MEF2A: variants seen among roughly 807,000 people sequenced by gnomAD.
MEF2A encodes myocyte enhancer factor 2A, also known as myocyte-specific enhancer factor 2A.
A neutral mutation model predicts 55.8 loss-of-function variants in MEF2A; 28 were observed. The observed-to-expected ratio is 0.50, with a 90% CI of 0.37 to 0.69. The LOEUF (loss-of-function observed/expected upper bound fraction) is 0.69, where lower values mean the gene tolerates loss of function less well. Among genes scored for constraint, MEF2A ranks in the 30% least tolerant of loss-of-function variants. The pLI, the probability that MEF2A is intolerant of heterozygous loss-of-function variation, is 0.00. For synonymous variants in MEF2A, 239 were observed against 227.1 expected (o/e 1.05, Z -0.47); for missense variants, 528 against 626.2 (o/e 0.84, Z 1.67).
chr15:99,675,624 T>A (rs1567407525), intron 7 of MEF2A, among the ~76,000 whole-genome samples, 166 bp downstream of exon 7: 1 of 152,230 alleles, frequency 6.6e-6, no homozygotes, highest in Non-Finnish European at 1.5e-5. Context: ...CTTCCCTGCT[T>A]ACCAAAGTTA....
chr15:99,663,628 T>C (rs935420240), intron 4 of MEF2A, among the ~76,000 whole-genome samples: 4 of 152,086 alleles, frequency 2.6e-5, no homozygotes, highest in Non-Finnish European at 4.4e-5. Flanking sequence ...ATTTTAAATA[T>C]AGAATTTCTT....
rs3743180 is a variant in MEF2A, at chr15:99,659,225, A to C, written c.259-12098A>C. Among the ~76,000 whole-genome samples the C allele has an allele frequency of 2.0e-5, 3 of 151,734 alleles. No individual in the cohort carries two copies. In the South Asian group the frequency reaches 6.2e-4, roughly 32 times the overall value. Reference sequence around the variant, plus strand: ...CAAGCTGAGACTACCTGGCTGCTCAATATCCAGCTCCTGGGAGACAAGGGC... The same window carrying C: ...CAAGCTGAGACTACCTGGCTGCTCACTATCCAGCTCCTGGGAGACAAGGGC... On this transcript the variant is annotated intron_variant, in intron 4 of 11. Transcript: ENST00000557942.
At chr15:99,644,074 A>G (rs1378283537) in intron 3 of MEF2A, among the ~76,000 whole-genome samples, 2 of 152,220 alleles carry the variant, frequency 1.3e-5, no homozygotes, top group Non-Finnish European at 2.9e-5. Context: ...CATTCAGTTT[A>G]CTAGCTAACA....
intron 2 of MEF2A, among the ~76,000 whole-genome samples, chr15:99,623,847 G>A (rs1314355601): frequency 6.9e-6 from 1 of 144,490 alleles, no homozygotes; most frequent in African/African-American, 2.5e-5. Context: ...CGCCCTTGTT[G>A]CCCAGGCTGG....
chr15:99,665,061 C>T (rs2049338513), intron 4 of MEF2A, among the ~76,000 whole-genome samples: 1 of 152,120 alleles, frequency 6.6e-6, no homozygotes, highest in African/African-American at 2.4e-5. Context: ...TGGTATTCCA[C>T]AGGAAACAAT....
chr15:99,697,505 C>T lies in MEF2A; in HGVS notation c.859-5857C>T, dbSNP rs142052567. On this transcript the variant is annotated intron_variant, in intron 8 of 11. Transcript: ENST00000557942. ...CCCCAAATAAAGGAAGGAAAAGAAA[C>T]ATCTAGGTAAAATTCTGACAAAATA... is the stretch of plus-strand genomic sequence containing the variant. Among the ~76,000 whole-genome samples the T allele has an allele frequency of 5.1e-3, 766 of 150,448 alleles. 8 individuals carry two copies. The highest frequency in any genetic ancestry group is 5.0e-3 in the Non-Finnish European group (335 of 67,448).
At chr15:99,688,428 C>T (rs866775075) in intron 7 of MEF2A, among the ~76,000 whole-genome samples, 3 of 152,166 alleles carry the variant, frequency 2.0e-5, no homozygotes, top group African/African-American at 4.8e-5. Context: ...TCAGCTTTTT[C>T]CTCATTCTGG....
At chr15:99,634,805 C>T (rs1198518750) in intron 3 of MEF2A, among the ~76,000 whole-genome samples, 1 of 152,198 alleles carries the variant, frequency 6.6e-6, no homozygotes, top group Non-Finnish European at 1.5e-5. Context: ...AGCTTCTTGC[C>T]TAGCTGCCAA....
intron 2 of MEF2A, among the ~76,000 whole-genome samples, chr15:99,613,302 C>G (rs571462322): frequency 1.3e-5 from 2 of 152,110 alleles, no homozygotes; most frequent in African/African-American, 4.8e-5. Context: ...ATCCGGTGTT[C>G]TTTTAAATTG....
At chr15:99,629,699 A>G (rs1223856875) in intron 2 of MEF2A, among the ~76,000 whole-genome samples, 1 of 152,160 alleles carries the variant, frequency 6.6e-6, no homozygotes, top group Non-Finnish European at 1.5e-5. Flanking sequence ...GTTAAAGAAT[A>G]AAAGATTGAT....
At chr15:99,663,542 A>G (rs779196343) in intron 4 of MEF2A, among the ~76,000 whole-genome samples, 13 of 151,816 alleles carry the variant, frequency 8.6e-5, no homozygotes, top group Admixed American at 2.6e-4. Flanking sequence ...AAAACTTTTT[A>G]TATTTTATGT....
At chr15:99,591,489 A>T (rs1187979176) in intron 1 of MEF2A, among the ~76,000 whole-genome samples, 3 of 152,008 alleles carry the variant, frequency 2.0e-5, no homozygotes, top group South Asian at 2.1e-4. Context: ...GATTTCTATT[A>T]TGTGCCTTGG....
intron 7 of MEF2A, among the ~76,000 whole-genome samples, chr15:99,677,807 A>C (rs2052417004): frequency 6.6e-6 from 1 of 152,234 alleles, no homozygotes; most frequent in Admixed American, 6.5e-5. Flanking sequence ...TGGTGAGCTA[A>C]ACCTCCTTCT....
chr15:99,589,814 G>A (rs1046370370), intron 1 of MEF2A, among the ~76,000 whole-genome samples: 4 of 152,054 alleles, frequency 2.6e-5, no homozygotes, highest in East Asian at 1.9e-4. Flanking sequence ...CCCCAAAAAA[G>A]TGTCCTTTTT....
Position 99,703,392 on chromosome 15 carries a change from G to T in MEF2A, c.882+7G>T. On this transcript the variant is annotated splice_region_variant and intron_variant, in intron 9 of 11. Transcript: ENST00000557942. Reference sequence around the variant, plus strand: ...GGAAGAGGAATTGGAGTTGGTGAGTGTGGGTTTCTGCTTGAAGGAAGTTGA... The same window carrying T: ...GGAAGAGGAATTGGAGTTGGTGAGTTTGGGTTTCTGCTTGAAGGAAGTTGA... 6.2e-7 allele frequency: 1 copy of T among 1,602,506 alleles called. No homozygotes were observed. The highest frequency in any genetic ancestry group is 8.5e-7 in the Non-Finnish European group (1 of 1,175,590).
intron 4 of MEF2A, among the ~76,000 whole-genome samples, chr15:99,653,768 A>T (rs1461696995): frequency 6.6e-6 from 1 of 152,100 alleles, no homozygotes. Flanking sequence ...TTCTAGAATA[A>T]CCCAAAGCTT....
At chr15:99,631,876 C>A (rs926022112) in intron 2 of MEF2A, among the ~76,000 whole-genome samples, 1 of 152,112 alleles carries the variant, frequency 6.6e-6, no homozygotes, top group South Asian at 2.1e-4. Context: ...GAGCAAAAGC[C>A]AGATTTAATC....
chr15:99,681,268 T>C (rs1056365591), intron 7 of MEF2A, among the ~76,000 whole-genome samples: 1 of 152,192 alleles, frequency 6.6e-6, no homozygotes, highest in African/African-American at 2.4e-5. Flanking sequence ...GCAGGCACAT[T>C]GGCAGTTAAA....
At chr15:99,651,147 G>C (rs577745208) in intron 4 of MEF2A, among the ~76,000 whole-genome samples, 1 of 152,158 alleles carries the variant, frequency 6.6e-6, no homozygotes, top group African/African-American at 2.4e-5. Flanking sequence ...TTACATTTCA[G>C]TTCGATTCCA....
Sources: gnomAD v4.1 joint callset for allele counts (sites outside exome capture counted in the v4.1 genomes callset) on GRCh38, gnomAD v4.1.1 for gene constraint, MANE v1.5 for transcripts, NCBI Gene and HGNC (gene_info 2026-07-23, HGNC 2026-07-21) for gene names.